Variants in VPS50 observed in about 807,000 individuals in gnomAD.
The protein encoded by VPS50 is syndetin.
A neutral mutation model predicts 139.7 loss-of-function variants in VPS50; 70 were observed. That is an observed-to-expected ratio of 0.50 (90% CI 0.41 to 0.61). The LOEUF is 0.61. Among genes scored for constraint, VPS50 ranks in the 20% least tolerant of loss-of-function variants. The pLI, the probability that VPS50 is intolerant of heterozygous loss-of-function variation, is 0.00. For missense variants in VPS50, 921 were observed against 1,133.7 expected (o/e 0.81, Z 2.69); for synonymous variants, 365 against 376.7 (o/e 0.97, Z 0.36).
chr7:93,242,558 AG>A (rs1483926740), intron 2 of VPS50, among the ~76,000 whole-genome samples: 1 of 151,876 alleles, frequency 6.6e-6, no homozygotes, highest in Non-Finnish European at 1.5e-5. Context: ...AGTTTTGCTT[AG>A]GGGAGTACTC....
chr7:93,330,552 G>A (rs1797905873), intron 21 of VPS50, among the ~76,000 whole-genome samples: 2 of 152,018 alleles, frequency 1.3e-5, no homozygotes, highest in South Asian at 4.1e-4. Context: ...CCAGAAGTTC[G>A]AGACCGGACT....
intron 27 of VPS50, 127 bp from the exon 28 acceptor site, chr7:93,358,188 ACT>A (rs1226983171): frequency 2.9e-5 from 23 of 796,304 alleles, no homozygotes; most frequent in Non-Finnish European, 3.7e-5. Context: ...TGTAATTTCC[ACT>A]GTTTTTCACT....
Position 93,271,258 on chromosome 7 carries a change from T to C in VPS50, c.698T>C (p.Ile233Thr). Residue 233 changes from isoleucine to threonine, a missense_variant, in exon 10 of 28, where the codon ATT (isoleucine) becomes ACT (threonine). Transcript: ENST00000305866. ...NSKLQDTLEQ[I>T]EEQLDVALSK... ...AAGCTGCAAGATACTTTGGAACAGA[T>C]TGAGGTAAGAAGTATTATATCCTAA... 1 of 1,560,278 alleles carries C rather than the reference T, an allele frequency of 6.4e-7. No individual in the cohort carries two copies.
In VPS50 at chr7:93,296,795, C is replaced by A; in HGVS notation, c.1221C>A (p.Phe407Leu). Residue 407 changes from phenylalanine (F) to leucine (L), a missense_variant, in exon 15 of 28, where the codon TTC becomes TTA. By Grantham distance (22) the Phe-to-Leu change is conservative (BLOSUM62 0). Transcript: ENST00000305866. ...TYLLGTDLSI[F>L]KYDDFIFVLD... ...TGCTTGGAACTGATTTGTCTATATT[C>A]AAATATGATGATTTCATCTTTGTTT... 6.2e-7 allele frequency: 1 copy of A among 1,605,402 alleles called. No individual in the cohort carries two copies. Among genetic ancestry groups the A allele is most frequent in the South Asian group, 1.1e-5 (1 of 89,660 alleles).
At chr7:93,304,100 G>T (rs780762381) in intron 17 of VPS50, among the ~76,000 whole-genome samples, 1 of 151,800 alleles carries the variant, frequency 6.6e-6, no homozygotes, top group Non-Finnish European at 1.5e-5. Context: ...AGAATAAGCA[G>T]TCTTTGAAAA....
At chr7:93,274,568 TTCTG>T (rs1796098722) in intron 11 of VPS50, among the ~76,000 whole-genome samples, 1 of 152,096 alleles carries the variant, frequency 6.6e-6, no homozygotes, top group Non-Finnish European at 1.5e-5. Context: ...TTCAAAATAT[TTCTG>T]TCTATTGACA....
chr7:93,343,394 G>C (rs1798287119), intron 23 of VPS50, among the ~76,000 whole-genome samples: 1 of 152,164 alleles, frequency 6.6e-6, no homozygotes, highest in African/African-American at 2.4e-5. Context: ...ATGGAACCAA[G>C]TTGGAAGACA....
intron 1 of VPS50, 67 bp from the exon 2 acceptor site, chr7:93,239,799 G>A (rs780399443): frequency 8.1e-6 from 7 of 867,362 alleles, no homozygotes; most frequent in African/African-American, 5.1e-5. Flanking sequence ...GTTTCAGTAG[G>A]TGTATTCTAT....
In VPS50 at chr7:93,360,929, C is replaced by T. The variant is rs1798815795; in HGVS notation, c.*2493C>T. ...TACACAACTTATTAAATGAATTTCTCTTGAAACCAGGGCCATATGGTATTT... is the reference window on the plus strand; with the variant it reads ...TACACAACTTATTAAATGAATTTCTTTTGAAACCAGGGCCATATGGTATTT... On this transcript the variant is annotated 3_prime_UTR_variant, in exon 28 of 28. Coordinates refer to ENST00000305866, the MANE Select transcript of VPS50 (RefSeq NM_017667.4). 6.6e-6 allele frequency: 1 copy of T among 151,886 alleles called. No individual in the cohort carries two copies. The highest frequency in any genetic ancestry group is 1.5e-5 in the Non-Finnish European group (1 of 67,908). The allele number at this position is 151,886 out of a possible 1,614,324, so 9.4% of individuals were successfully genotyped here.
At chr7:93,309,802 G>A (rs936063612) in intron 19 of VPS50, among the ~76,000 whole-genome samples, 28 of 151,952 alleles carry the variant, frequency 1.8e-4, no homozygotes, top group African/African-American at 6.0e-4. Context: ...TTGATTTCAT[G>A]ACTATCATAC....
chr7:93,233,180 C>T (rs954457160), intron 1 of VPS50, among the ~76,000 whole-genome samples: 3 of 152,172 alleles, frequency 2.0e-5, no homozygotes, highest in Admixed American at 6.5e-5. Flanking sequence ...TAACCTGTCT[C>T]ATAAATGTTA....
intron 23 of VPS50, 64 bp from the exon 24 acceptor site, chr7:93,348,647 A>G (rs1010323057): frequency 3.7e-5 from 39 of 1,065,942 alleles, no homozygotes; most frequent in Admixed American, 1.0e-4. Context: ...TACTTATACG[A>G]AAGCATGACA....
At position 93,312,221 on chromosome 7, in the gene VPS50, C is replaced by A. The variant is rs544449163; in HGVS notation, c.1855+949C>A. Among the ~76,000 whole-genome samples the A allele has an allele frequency of 7.2e-5, 11 of 152,218 alleles. No homozygotes were observed. In the South Asian group the frequency reaches 2.3e-3, roughly 32 times the overall value. On this transcript the variant is annotated intron_variant, in intron 20 of 27. Transcript: ENST00000305866. ...TGATGCTCAGAAAAAAGGATAGATTCTAAAAAGCTATTCTGTGGCTAATTA... is the reference window on the plus strand; with the variant it reads ...TGATGCTCAGAAAAAAGGATAGATTATAAAAAGCTATTCTGTGGCTAATTA...
chr7:93,305,952 T>G lies in VPS50; in HGVS notation c.1577T>G (p.Ile526Ser). Reference protein sequence around the residue: ...QYCSGGNPFEIQANHKDEETE... With the variant: ...QYCSGGNPFESQANHKDEETE... Reference sequence around the variant, plus strand: ...TGTAGTGGTGGGAATCCATTTGAAATTCAGGCCAACCACAAAGATGAAGAA... The same window carrying G: ...TGTAGTGGTGGGAATCCATTTGAAAGTCAGGCCAACCACAAAGATGAAGAA... Residue 526 changes from isoleucine to serine, a missense_variant, in exon 18 of 28, where the codon ATT becomes AGT. Ile to Ser is a moderately radical substitution (Grantham distance 142, BLOSUM62 -2). Around this residue, in one of 3 missense-constraint regions of VPS50, gnomAD observed 744 missense variants for 930.6 expected, o/e 0.80. Transcript: ENST00000305866. 6.2e-7 allele frequency: 1 copy of G among 1,612,554 alleles called. No homozygotes were observed. Among genetic ancestry groups the G allele is most frequent in the Non-Finnish European group, 8.5e-7 (1 of 1,178,828 alleles).
At chr7:93,322,458 G>T (rs538281748) in intron 20 of VPS50, among the ~76,000 whole-genome samples, 1 of 151,600 alleles carries the variant, frequency 6.6e-6, no homozygotes, top group African/African-American at 2.4e-5. Flanking sequence ...AAATTAGCCG[G>T]GCGTGGTAGC....
intron 2 of VPS50, among the ~76,000 whole-genome samples, chr7:93,243,334 C>CA (rs1223452434): frequency 6.6e-6 from 1 of 151,878 alleles, no homozygotes; most frequent in African/African-American, 2.4e-5. Context: ...AGGCCATGGC[C>CA]AATTCCAATT....
rs1378073655 is a variant in VPS50, at chr7:93,243,837, A to G, written c.102+3903A>G. ...AAAATACCAGTATTCAGAACCTTAT[A>G]AAATCTACATCCAGCCTTTATTAAT... is the stretch of plus-strand genomic sequence containing the variant. On this transcript the variant is annotated intron_variant, in intron 2 of 27. Transcript: ENST00000305866. 5.3e-5 allele frequency among the ~76,000 whole-genome samples: 8 copies of G among 152,070 alleles called. 1 individual carries two copies. The South Asian group carries it at 1.7e-3, about 31-fold the overall frequency.
chr7:93,327,554 T>G (rs1027422262), intron 21 of VPS50, among the ~76,000 whole-genome samples: 3 of 152,174 alleles, frequency 2.0e-5, no homozygotes, highest in Admixed American at 6.5e-5. Flanking sequence ...AGGTTTGTTA[T>G]GAACACACTA....
At chr7:93,240,562 T>TA (rs1794959606) in intron 2 of VPS50, among the ~76,000 whole-genome samples, 1 of 152,178 alleles carries the variant, frequency 6.6e-6, no homozygotes, top group African/African-American at 2.4e-5. Context: ...TAAGTATTGT[T>TA]AAATCCCTGC....
Sources: allele counts gnomAD v4.1 joint callset (sites outside exome capture counted in the v4.1 genomes callset), GRCh38; gene constraint gnomAD v4.1.1; regional missense constraint gnomAD v4.1.1; transcripts MANE v1.5; gene names NCBI Gene and HGNC (gene_info 2026-07-23, HGNC 2026-07-21).